The following PIP5K1B variants were observed in gnomAD, a reference collection of about 807,000 sequenced individuals.
The protein encoded by PIP5K1B is phosphatidylinositol-4-phosphate 5-kinase type 1 beta.
PIP5K1B carries 42 observed loss-of-function variants against 67.0 expected under a neutral mutation model. The ratio of observed to expected loss-of-function variants is 0.63; its 90% confidence interval spans 0.49 to 0.81. The LOEUF is 0.81. PIP5K1B is among the 30% of genes least tolerant of loss of function. The pLI is 0.00. For missense variants in PIP5K1B, 459 were observed against 646.3 expected (o/e 0.71, Z 3.14); for synonymous variants, 214 against 231.4 (o/e 0.92, Z 0.68).
At chr9:68,729,324 A>G (rs1242436604) in intron 1 of PIP5K1B, among the ~76,000 whole-genome samples, 1 of 152,156 alleles carries the variant, frequency 6.6e-6, no homozygotes, top group African/African-American at 2.4e-5. Flanking sequence ...TATAATTTTT[A>G]AATCACTGAT....
intron 14 of PIP5K1B, among the ~76,000 whole-genome samples, chr9:68,944,629 A>G (rs1827714350): frequency 6.6e-6 from 1 of 152,206 alleles, no homozygotes; most frequent in Non-Finnish European, 1.5e-5. Flanking sequence ...ACGTAGAGGG[A>G]AAATTGGCAA....
chr9:68,986,728 GTC>G (rs1240478584), intron 14 of PIP5K1B, among the ~76,000 whole-genome samples: 2 of 152,126 alleles, frequency 1.3e-5, no homozygotes, highest in East Asian at 3.9e-4. Flanking sequence ...TACCTGTCAA[GTC>G]TCAAATAATA....
intron 14 of PIP5K1B, among the ~76,000 whole-genome samples, chr9:68,973,559 A>T (rs913484555): frequency 6.6e-6 from 1 of 152,244 alleles, no homozygotes; most frequent in African/African-American, 2.4e-5. Context: ...ATGGCTAAGC[A>T]CATTAATACA....
intron 8 of PIP5K1B, among the ~76,000 whole-genome samples, chr9:68,905,652 A>G (rs1232318509): frequency 6.6e-6 from 1 of 152,240 alleles, no homozygotes; most frequent in Non-Finnish European, 1.5e-5. Context: ...CCTGTCAGAC[A>G]TGACCTTGTC....
chr9:68,757,606 T>C (rs922923813), intron 2 of PIP5K1B, among the ~76,000 whole-genome samples: 4 of 152,208 alleles, frequency 2.6e-5, no homozygotes, highest in African/African-American at 4.8e-5. Flanking sequence ...TTAATATGAC[T>C]TTCTAAGAAT....
At chr9:68,951,000 G>A (rs953407496) in intron 14 of PIP5K1B, among the ~76,000 whole-genome samples, 6 of 152,220 alleles carry the variant, frequency 3.9e-5, no homozygotes, top group Non-Finnish European at 8.8e-5. Context: ...ACCACAACCT[G>A]CCTTTGCATT....
At chr9:68,922,027 T>C (rs1457028655) in intron 11 of PIP5K1B, among the ~76,000 whole-genome samples, 3 of 152,228 alleles carry the variant, frequency 2.0e-5, no homozygotes, top group Non-Finnish European at 2.9e-5. Context: ...AACTTCTCTT[T>C]ATAGGCAACG....
intron 5 of PIP5K1B, 81 bp from the exon 6 acceptor site, chr9:68,876,596 A>C (rs1823910587): frequency 8.7e-6 from 7 of 800,722 alleles, no homozygotes; most frequent in South Asian, 8.4e-5. Flanking sequence ...GCCCAGGACT[A>C]ATAGAGCTAC....
At chr9:68,759,431 C>G (rs1395779165) in intron 2 of PIP5K1B, among the ~76,000 whole-genome samples, 1 of 151,874 alleles carries the variant, frequency 6.6e-6, no homozygotes, top group Admixed American at 6.6e-5. Context: ...CTAGGGCAAC[C>G]ATTTAGAAAA....
chr9:68,958,363 A>G (rs1480663432), intron 14 of PIP5K1B, among the ~76,000 whole-genome samples: 1 of 152,026 alleles, frequency 6.6e-6, no homozygotes, highest in Non-Finnish European at 1.5e-5. Context: ...AGCCAGAATG[A>G]TTTTTTTTAA....
intron 13 of PIP5K1B, among the ~76,000 whole-genome samples, chr9:68,939,281 G>A (rs937469106): frequency 3.3e-5 from 5 of 152,194 alleles, no homozygotes; most frequent in Admixed American, 6.5e-5. Context: ...GGACAGATGT[G>A]TTTTGCTCTG....
At chr9:68,868,410 A>T (rs962382127) in intron 5 of PIP5K1B, among the ~76,000 whole-genome samples, 9 of 152,178 alleles carry the variant, frequency 5.9e-5, no homozygotes, top group Non-Finnish European at 1.2e-4. Context: ...ATTATCTTTC[A>T]TCTTTATAAG....
Position 68,889,619 on chromosome 9 carries a change from T to C in PIP5K1B, c.471+486T>C, listed in dbSNP as rs535677696. On this transcript the variant is annotated intron_variant, in intron 7 of 15. Coordinates refer to ENST00000265382, the MANE Select transcript of PIP5K1B (RefSeq NM_003558.4). ...GCGTGGTGGTGGGCGCCTGTAGTCC[T>C]AGCTACTCAGGAGGCTGAGGCAGGA... Among the ~76,000 whole-genome samples, 426 of 151,174 alleles carry C rather than the reference T, an allele frequency of 2.8e-3. 3 individuals carry two copies. The highest frequency in any genetic ancestry group is 9.6e-3 in the African/African-American group (396 of 41,156).
chr9:68,715,641 C>T (rs1827599717), intron 1 of PIP5K1B, among the ~76,000 whole-genome samples: 1 of 152,168 alleles, frequency 6.6e-6, no homozygotes, highest in Non-Finnish European at 1.5e-5. Context: ...TGCTAATCAT[C>T]AGGGCCCATT....
chr9:68,997,136 A>G (rs1449990368), intron 15 of PIP5K1B, among the ~76,000 whole-genome samples: 1 of 152,256 alleles, frequency 6.6e-6, no homozygotes, highest in African/African-American at 2.4e-5. Flanking sequence ...GATCATGGGA[A>G]GAAGGGTGGC....
At chr9:68,844,821 C>G (rs1350743786) in intron 4 of PIP5K1B, among the ~76,000 whole-genome samples, 1 of 152,196 alleles carries the variant, frequency 6.6e-6, no homozygotes, top group East Asian at 1.9e-4. Context: ...TCCTCCTGCT[C>G]CACTTGTGAG....
Position 68,876,919 on chromosome 9 carries a change from A to G in PIP5K1B, c.318+125A>G, listed in dbSNP as rs940927098. 5 of 590,612 alleles carry G rather than the reference A, an allele frequency of 8.5e-6. No individual in the cohort carries two copies. The African/African-American group carries it at 9.5e-5, about 11-fold the overall frequency. 36.6% of individuals were successfully genotyped at this position (590,612 alleles called of 1,614,324 possible). A position where few individuals can be genotyped will look rare whatever the true frequency, so the allele number is the denominator to read the frequency against. Reference sequence around the variant, plus strand: ...AGCTCTGGGGCGTAGTAAAAGTTCCAAGTTTTATAATGATTATAAATTTAG... The same window carrying G: ...AGCTCTGGGGCGTAGTAAAAGTTCCGAGTTTTATAATGATTATAAATTTAG... On this transcript the variant is annotated intron_variant, in intron 6 of 15. Transcript: ENST00000265382.
intron 13 of PIP5K1B, 144 bp from the exon 14 acceptor site, chr9:68,940,502 G>T: frequency 1.5e-6 from 1 of 685,658 alleles, no homozygotes; most frequent in Non-Finnish European, 2.4e-6. Flanking sequence ...CTGTAATTCA[G>T]AAAAAAAAAG....
chr9:68,800,496 C>CTGA (rs1429083146), intron 2 of PIP5K1B, among the ~76,000 whole-genome samples: 2 of 152,100 alleles, frequency 1.3e-5, no homozygotes, highest in African/African-American at 4.8e-5. Flanking sequence ...TTCCTTCTTA[C>CTGA]TGATGTAAGA....
Sources: allele counts gnomAD v4.1 joint callset (sites outside exome capture counted in the v4.1 genomes callset), GRCh38; gene constraint gnomAD v4.1.1; transcripts MANE v1.5; gene names NCBI Gene and HGNC (gene_info 2026-07-23, HGNC 2026-07-21).